ADAM19: variants seen among roughly 807,000 people sequenced by gnomAD.
ADAM19 encodes ADAM metallopeptidase domain 19, also known as disintegrin and metalloproteinase domain-containing protein 19.
Under a neutral mutation model 114.7 loss-of-function variants are expected in ADAM19, and 65 were observed. That is an observed-to-expected ratio of 0.57 (90% CI 0.46 to 0.70). The LOEUF (loss-of-function observed/expected upper bound fraction) is 0.70. Ranked by LOEUF, ADAM19 falls within the 30% of genes least tolerant of loss-of-function variation. ADAM19 has a pLI of 0.00. For missense variants in ADAM19, 1,063 were observed against 1,204.7 expected (o/e 0.88, Z 1.74); for synonymous variants, 466 against 460.5 (o/e 1.01, Z -0.15).
At chr5:157,545,391 TTC>T (rs1303800131) in intron 3 of ADAM19, among the ~76,000 whole-genome samples, 1 of 152,176 alleles carries the variant, frequency 6.6e-6, no homozygotes, top group Non-Finnish European at 1.5e-5. Context: ...AAATGAATGC[TTC>T]ATGATATGCC....
intron 20 of ADAM19, among the ~76,000 whole-genome samples, chr5:157,488,771 C>T (rs966891149): frequency 6.6e-6 from 1 of 152,170 alleles, no homozygotes; most frequent in Non-Finnish European, 1.5e-5. Flanking sequence ...GTGGCTCATG[C>T]CTGTAATCCC....
In ADAM19 at chr5:157,480,667, G is replaced by A. The variant is rs553529434; in HGVS notation, c.*282C>T. ...GCACCTCGGGGCTAGGAGTCTGGAG[G>A]AGAAGCTGCCAGTCACCCTCCTCAT... On this transcript the variant is annotated 3_prime_UTR_variant, in exon 23 of 23. Coordinates refer to ENST00000257527, the MANE Select transcript of ADAM19 (RefSeq NM_033274.5). The A allele has an allele frequency of 4.0e-6, 5 of 1,243,192 alleles. No homozygotes were observed. Among genetic ancestry groups the A allele is most frequent in the South Asian group, 2.1e-5 (1 of 47,850 alleles). 77.0% of individuals were successfully genotyped at this position (1,243,192 alleles called of 1,614,324 possible).
At chr5:157,572,801 G>A (rs1757869141) in intron 1 of ADAM19, among the ~76,000 whole-genome samples, 1 of 152,226 alleles carries the variant, frequency 6.6e-6, no homozygotes, top group Non-Finnish European at 1.5e-5. Context: ...TGTAATCTCA[G>A]CACTTTGGAG....
At chr5:157,550,404 T>A (rs1403263452) in intron 3 of ADAM19, among the ~76,000 whole-genome samples, 1 of 152,188 alleles carries the variant, frequency 6.6e-6, no homozygotes, top group Admixed American at 6.5e-5. Flanking sequence ...CCTGCCATAC[T>A]CCAGTATGAT....
intron 3 of ADAM19, among the ~76,000 whole-genome samples, chr5:157,553,189 C>A (rs1232529014): frequency 6.6e-6 from 1 of 152,162 alleles, no homozygotes; most frequent in African/African-American, 2.4e-5. Flanking sequence ...TATAATTGGA[C>A]TGTTTGCAAT....
At chr5:157,535,929 C>G (rs1312724725) in intron 4 of ADAM19, among the ~76,000 whole-genome samples, 2 of 152,112 alleles carry the variant, frequency 1.3e-5, no homozygotes, top group Non-Finnish European at 2.9e-5. Flanking sequence ...TGCCTGTTCC[C>G]CCATCCCACC....
At position 157,555,757 on chromosome 5, in the gene ADAM19, G is replaced by A. The variant is rs80118702; in HGVS notation, c.251+8616C>T. 2.1e-3 allele frequency among the ~76,000 whole-genome samples: 315 copies of A among 152,298 alleles called. 1 individual carries two copies. Among genetic ancestry groups the A allele is most frequent in the East Asian group, 0.017 (87 of 5,188 alleles). On this transcript the variant is annotated intron_variant, in intron 3 of 22. Transcript: ENST00000257527. ...ACAGAAAGTTGTTTTCACACAGCTT[G>A]AGAGGTCAGAAGAATGAAATCGGTA...
intron 13 of ADAM19, among the ~76,000 whole-genome samples, chr5:157,498,792 C>T (rs1755454183): frequency 6.6e-6 from 1 of 151,550 alleles, no homozygotes; most frequent in Non-Finnish European, 1.5e-5. Flanking sequence ...GGGGATAACA[C>T]CTTCTGATCA....
chr5:157,486,092 G>A (rs1298026656), intron 21 of ADAM19, among the ~76,000 whole-genome samples: 1 of 152,206 alleles, frequency 6.6e-6, no homozygotes, highest in Non-Finnish European at 1.5e-5. Context: ...CTAGGAGGTG[G>A]GGAATCTTTG....
chr5:157,503,490 A>T (rs1755634055), intron 11 of ADAM19, among the ~76,000 whole-genome samples: 1 of 75,896 alleles, frequency 1.3e-5, no homozygotes, highest in African/African-American at 4.1e-5. Context: ...CTTAAAGTAT[A>T]AAAAAAAAAA....
chr5:157,570,813 G>A, intron 2 of ADAM19, 82 bp downstream of exon 2: 1 of 1,211,708 alleles, frequency 8.3e-7, no homozygotes, highest in Non-Finnish European at 1.2e-6. Flanking sequence ...GGTGATGACT[G>A]GGATTCTAAG....
intron 3 of ADAM19, among the ~76,000 whole-genome samples, chr5:157,553,619 G>T (rs1247244444): frequency 2.6e-5 from 4 of 152,184 alleles, no homozygotes; most frequent in Non-Finnish European, 5.9e-5. Context: ...ATAGGATCCT[G>T]TAACTCTACA....
At chr5:157,564,495 C>T (rs1404609124) in intron 2 of ADAM19, 52 bp from the exon 3 acceptor site, 2 of 1,542,006 alleles carry the variant, frequency 1.3e-6, no homozygotes, top group East Asian at 4.5e-5. Context: ...CACCAGGCTC[C>T]CTGGGTCGGG....
rs1451728498 is a variant in ADAM19, at chr5:157,575,615, G to C, written c.82C>G (p.Pro28Ala). ...QPLRPRAARE[P>A]GWTRGSEEGS... ...CCTGGCCACTTACTTGTCCATCCAG[G>C]CTCCCGCGCCGCCCGCGGCCGGAGG... Residue 28 changes from proline (P) to alanine (A), a missense_variant, in exon 1 of 23, where the codon CCT becomes GCT. Pro to Ala is a conservative substitution (Grantham distance 27). Transcript: ENST00000257527. 8 of 1,449,940 alleles carry C rather than the reference G, an allele frequency of 5.5e-6. No individual in the cohort carries two copies. Among genetic ancestry groups the C allele is most frequent in the Non-Finnish European group, 7.2e-6 (8 of 1,107,726 alleles). The allele number at this position is 1,449,940 out of a possible 1,614,324, so 89.8% of individuals were successfully genotyped here. A position where few individuals can be genotyped will look rare whatever the true frequency, so the allele number is the denominator to read the frequency against.
chr5:157,490,422 C>T lies in ADAM19; in HGVS notation c.2128G>A (p.Ala710Thr), dbSNP rs1175375090. 6.2e-7 allele frequency: 1 copy of T among 1,613,870 alleles called. No homozygotes were observed. The highest frequency in any genetic ancestry group is 8.5e-7 in the Non-Finnish European group (1 of 1,180,006). The change falls in exon 19 of 23, where the codon GCC (alanine) becomes ACC (threonine). Residue 710 changes from alanine (A) to threonine (T), a missense_variant. Physicochemically the swap from Ala to Thr is moderately conservative, Grantham distance 58. Around this residue, in one of 3 missense-constraint regions of ADAM19, gnomAD observed 424 missense variants for 445.5 expected, o/e 0.95. Transcript: ENST00000257527. Reference sequence around the variant, plus strand: ...ATGAGGACCGCCAGCACCAAGATGGCCACCAACACTCCAGCTACCACAGGA... The same window carrying T: ...ATGAGGACCGCCAGCACCAAGATGGTCACCAACACTCCAGCTACCACAGGA... ...VGPVVAGVLV[A>T]ILVLAVLMLM...
chr5:157,570,808 T>C (rs902591611), intron 2 of ADAM19, 87 bp downstream of exon 2: 77 of 1,159,532 alleles, frequency 6.6e-5, no homozygotes, highest in Non-Finnish European at 9.1e-5. Context: ...CTAATGGTGA[T>C]GACTGGGATT....
At chr5:157,504,232 G>T (rs1212547654) in intron 11 of ADAM19, among the ~76,000 whole-genome samples, 1 of 152,138 alleles carries the variant, frequency 6.6e-6, no homozygotes, top group Non-Finnish European at 1.5e-5. Flanking sequence ...GCTGTATCCT[G>T]CCTCATTCTT....
Position 157,488,371 on chromosome 5 carries a change from G to C in ADAM19, c.2444C>G (p.Ala815Gly), listed in dbSNP as rs775957244. ...APLPAHLSRAARNSPGPGSQI... is the reference protein window; with the variant it reads ...APLPAHLSRAGRNSPGPGSQI... ...AGACCCGGGCCCTGGGGAGTTCCTA[G>C]CAGCCCTGCTCAGGTGAGCTGGCAG... The change falls in exon 21 of 23, where the codon GCT becomes GGT. Residue 815 changes from alanine (A) to glycine (G), a missense_variant. By Grantham distance (60) the Ala-to-Gly change is moderately conservative. This residue lies in a region of ADAM19 where 424 missense variants were observed against 445.5 expected (regional missense o/e 0.95). Coordinates refer to ENST00000257527, the MANE Select transcript of ADAM19 (RefSeq NM_033274.5). 3 of 1,614,176 alleles carry C rather than the reference G, an allele frequency of 1.9e-6. No individual in the cohort carries two copies. The highest frequency in any genetic ancestry group is 2.2e-5 in the South Asian group (2 of 91,086).
intron 7 of ADAM19, among the ~76,000 whole-genome samples, chr5:157,518,113 G>A (rs996124498): frequency 3.9e-5 from 6 of 152,026 alleles, no homozygotes; most frequent in East Asian, 1.9e-4. Context: ...GTTTTCAGTC[G>A]GATGACTGGG....
Sources: allele counts gnomAD v4.1 joint callset (sites outside exome capture counted in the v4.1 genomes callset), GRCh38; gene constraint gnomAD v4.1.1; regional missense constraint gnomAD v4.1.1; transcripts MANE v1.5; gene names NCBI Gene and HGNC (gene_info 2026-07-23, HGNC 2026-07-21).